The following TUBAL3 variants were observed in gnomAD, a reference collection of about 807,000 sequenced individuals.
TUBAL3 encodes the protein tubulin alpha like 3, also known as tubulin alpha chain-like 3.
Under a neutral mutation model 15.5 loss-of-function variants are expected in TUBAL3, and 16 were observed. The observed-to-expected ratio is 1.04, with a 90% confidence interval of 0.70 to 1.57. TUBAL3 has a LOEUF of 1.57. TUBAL3 is among the 40% of genes most tolerant of loss of function. TUBAL3 has a pLI of 0.00. For synonymous variants in TUBAL3, 238 were observed against 224.3 expected (o/e 1.06, Z -0.55); for missense variants, 609 against 576.2 (o/e 1.06, Z -0.58).
At chr10:5,399,118 T>A (rs1465691696) in intron 2 of TUBAL3, among the ~76,000 whole-genome samples, 2 of 152,226 alleles carry the variant, frequency 1.3e-5, no homozygotes, top group East Asian at 3.8e-4. Flanking sequence ...GCAAGTTCCT[T>A]GACTTCCCCA....
chr10:5,401,845 G>A (rs1405616146), intron 1 of TUBAL3, among the ~76,000 whole-genome samples: 2 of 151,992 alleles, frequency 1.3e-5, no homozygotes, highest in African/African-American at 2.4e-5. Context: ...GTAGGCTGAT[G>A]GCATTCACAA....
rs988254391 is a variant in TUBAL3, at chr10:5,394,184, C to A, written c.674G>T (p.Gly225Val). Residue 225 changes from glycine (G) to valine (V), a missense_variant, in exon 4 of 4, where the codon GGT (glycine) becomes GTT (valine). By Grantham distance (109) the Gly-to-Val change is moderately radical. Transcript: ENST00000380419. The surrounding 1 kb of genome is among the most constrained non-coding windows in gnomAD (Gnocchi z 4.3). ...GCTGGCATGAGAGGGGCATTCAACACCGAGTTTACGATGGCATATATCATA... is the reference window on the plus strand; with the variant it reads ...GCTGGCATGAGAGGGGCATTCAACAACGAGTTTACGATGGCATATATCATA... ...AVYDICHRKL[G>V]VECPSHASIN... is the part of the protein sequence containing the mutation. 3 of 1,614,202 alleles carry A rather than the reference C, an allele frequency of 1.9e-6. No homozygotes were observed. Among genetic ancestry groups the A allele is most frequent in the East Asian group, 2.2e-5 (1 of 44,880 alleles).
At position 5,393,409 on chromosome 10, in the gene TUBAL3, G is replaced by C; in HGVS notation, c.*108C>G. The C allele has an allele frequency of 2.1e-6, 2 of 945,610 alleles. No individual in the cohort carries two copies. Among genetic ancestry groups the C allele is most frequent in the South Asian group, 3.4e-5 (2 of 58,040 alleles). The allele number at this position is 945,610 out of a possible 1,614,324, so 58.6% of individuals were successfully genotyped here. ...TGGAACCTAGAGTCTTGCCTGATTTGAGTTCATTTTTCTGCTCATCAGGGG... is the reference window on the plus strand; with the variant it reads ...TGGAACCTAGAGTCTTGCCTGATTTCAGTTCATTTTTCTGCTCATCAGGGG... On this transcript the variant is annotated 3_prime_UTR_variant, in exon 4 of 4. Coordinates refer to ENST00000380419, the MANE Select transcript of TUBAL3 (RefSeq NM_024803.3).
At chr10:5,400,751 T>A in intron 2 of TUBAL3, 93 bp downstream of exon 2, 1 of 1,498,666 alleles carries the variant, frequency 6.7e-7, no homozygotes, top group South Asian at 1.2e-5. Context: ...GTGATTCCAT[T>A]CAGATAGACC....
intron 1 of TUBAL3, among the ~76,000 whole-genome samples, chr10:5,401,521 A>C (rs1443600783): frequency 6.6e-6 from 1 of 152,178 alleles, no homozygotes; most frequent in African/African-American, 2.4e-5. Context: ...GAAAGAAATA[A>C]AACTAAAATC....
In TUBAL3 at chr10:5,397,800, A is replaced by C. The variant is rs147071745; in HGVS notation, c.248-2325T>G. 3.2e-3 allele frequency among the ~76,000 whole-genome samples: 481 copies of C among 152,182 alleles called. 1 individual carries two copies. The highest frequency in any genetic ancestry group is 0.011 in the African/African-American group (460 of 41,514). On this transcript the variant is annotated intron_variant, in intron 2 of 3. Transcript: ENST00000380419. This position sits in a 1 kb window ranked among gnomAD's most constrained non-coding sequence, Gnocchi z 4.9. ...CCACTTCCAAAATCTTAAACATGCA[A>C]ATTCCTTTTTCTGACCACAACTTCC...
intron 1 of TUBAL3, among the ~76,000 whole-genome samples, chr10:5,403,260 T>C (rs1831882739): frequency 2.0e-5 from 3 of 152,222 alleles, no homozygotes; most frequent in Non-Finnish European, 4.4e-5. Context: ...ACCTTAATCT[T>C]ATTCCTCTCC....
intron 2 of TUBAL3, among the ~76,000 whole-genome samples, chr10:5,398,375 G>A (rs896808406): frequency 7.1e-6 from 1 of 141,484 alleles, no homozygotes; most frequent in Non-Finnish European, 1.5e-5. Flanking sequence ...AGCAGCGATA[G>A]TGCCATTGAA....
chr10:5,398,252 C>A (rs1831795089), intron 2 of TUBAL3, among the ~76,000 whole-genome samples: 1 of 151,960 alleles, frequency 6.6e-6, no homozygotes. Context: ...GAAACCCTGT[C>A]TCTACTAAAA....
chr10:5,400,527 A>G (rs1016222543), intron 2 of TUBAL3, among the ~76,000 whole-genome samples: 3 of 152,160 alleles, frequency 2.0e-5, no homozygotes, highest in Non-Finnish European at 4.4e-5. Flanking sequence ...AGCTACTCAG[A>G]GGCTGAGGCA....
intron 1 of TUBAL3, among the ~76,000 whole-genome samples, chr10:5,402,454 C>A (rs1236082743): frequency 6.6e-6 from 1 of 152,206 alleles, no homozygotes; most frequent in African/African-American, 2.4e-5. Context: ...CATCAGGACC[C>A]TTTGGGCTGT....
Position 5,395,448 on chromosome 10 carries a change from G to A in TUBAL3, c.275C>T (p.Ser92Leu), listed in dbSNP as rs371530868. The part of the protein sequence containing the change: ...IDGIRTGQHR[S>L]LFHPEQLLSG... ...AAGGAGCTGCTCGGGGTGGAAGAGT[G>A]AACGGTGCTGGCCCGTCCGGATCCC... Residue 92 changes from serine to leucine, a missense_variant, in exon 3 of 4, where the codon TCA becomes TTA. Physicochemically the swap from Ser to Leu is moderately radical, Grantham distance 145. Coordinates refer to ENST00000380419, the MANE Select transcript of TUBAL3 (RefSeq NM_024803.3). The surrounding 1 kb of genome is among the most constrained non-coding windows in gnomAD (Gnocchi z 4.6). 28 of 1,595,524 alleles carry A rather than the reference G, an allele frequency of 1.8e-5. No individual in the cohort carries two copies. The African/African-American group carries it at 3.6e-4, about 21-fold the overall frequency.
chr10:5,394,457 T>C lies in TUBAL3; in HGVS notation c.401A>G (p.Glu134Gly), dbSNP rs782512742. The change falls in exon 4 of 4, where the codon GAA becomes GGA. Residue 134 changes from glutamate (E) to glycine (G), a missense_variant. By Grantham distance (98) the Glu-to-Gly change is moderately conservative (BLOSUM62 -2). Coordinates refer to ENST00000380419, the MANE Select transcript of TUBAL3 (RefSeq NM_024803.3). This position sits in a 1 kb window ranked among gnomAD's most constrained non-coding sequence, Gnocchi z 4.3. ...AAATCCCTGAAGTCCACCACACTGT[T>C]CTGCCTGGAGAAAGTAAATGAGATG... ...LVLERTRKLA[E>G]QCGGLQGFLI... is the part of the protein sequence containing the mutation. The C allele has an allele frequency of 1.3e-6, 2 of 1,594,176 alleles. No homozygotes were observed. The highest frequency in any genetic ancestry group is 2.3e-5 in the South Asian group (2 of 87,498).
chr10:5,404,644 T>C, intron 1 of TUBAL3, 146 bp downstream of exon 1: 1 of 798,350 alleles, frequency 1.3e-6, no homozygotes, highest in South Asian at 1.7e-5. Context: ...CCAACTCATC[T>C]ACTTGGACAT....
At position 5,396,727 on chromosome 10, in the gene TUBAL3, TA is replaced by T. The variant is rs1417691154; in HGVS notation, c.248-1253del. On this transcript the variant is annotated intron_variant, in intron 2 of 3. Coordinates refer to ENST00000380419, the MANE Select transcript of TUBAL3 (RefSeq NM_024803.3). The surrounding 1 kb of genome is among the most constrained non-coding windows in gnomAD (Gnocchi z 5.1). ...GCCCCTGCCAGGTCTCATTGCCTTT[TA>T]AAAACCTGGGCAGCATGCCCTACTC... 1.3e-5 allele frequency among the ~76,000 whole-genome samples: 2 copies of T among 152,170 alleles called. No homozygotes were observed. The highest frequency in any genetic ancestry group is 2.9e-5 in the Non-Finnish European group (2 of 68,022).
rs1325204208 is a variant in TUBAL3, at chr10:5,397,416, T to C, written c.248-1941A>G. Among the ~76,000 whole-genome samples, 3 of 152,218 alleles carry C rather than the reference T, an allele frequency of 2.0e-5. No homozygotes were observed. Among genetic ancestry groups the C allele is most frequent in the Non-Finnish European group, 4.4e-5 (3 of 68,034 alleles). Reference sequence around the variant, plus strand: ...TAATTCTGGGTGGACTATTTCCTTCTTATCTGAAGCTATAAGGCTGCATTC... The same window carrying C: ...TAATTCTGGGTGGACTATTTCCTTCCTATCTGAAGCTATAAGGCTGCATTC... On this transcript the variant is annotated intron_variant, in intron 2 of 3. Coordinates refer to ENST00000380419, the MANE Select transcript of TUBAL3 (RefSeq NM_024803.3). The surrounding 1 kb of genome is among the most constrained non-coding windows in gnomAD (Gnocchi z 4.9).
At chr10:5,400,442 G>A (rs1440806321) in intron 2 of TUBAL3, among the ~76,000 whole-genome samples, 1 of 152,066 alleles carries the variant, frequency 6.6e-6, no homozygotes, top group Non-Finnish European at 1.5e-5. Context: ...GACCAGTCTG[G>A]CCAACATAGT....
intron 2 of TUBAL3, among the ~76,000 whole-genome samples, chr10:5,400,114 T>C (rs1009476640): frequency 9.2e-5 from 14 of 152,222 alleles, no homozygotes; most frequent in Admixed American, 9.2e-4. Context: ...ATCATAAAAT[T>C]GTACTGTTTT....
In TUBAL3 at chr10:5,394,737, A is replaced by C. The variant is rs1398284156; in HGVS notation, c.397-276T>G. On this transcript the variant is annotated intron_variant, in intron 3 of 3. Coordinates refer to ENST00000380419, the MANE Select transcript of TUBAL3 (RefSeq NM_024803.3). This position sits in a 1 kb window ranked among gnomAD's most constrained non-coding sequence, Gnocchi z 4.3. ...TGTGCATTTATCGGTATGTGATCGC[A>C]AACAAGGCCTTCATCAATAACAAAG... 1.3e-5 allele frequency among the ~76,000 whole-genome samples: 2 copies of C among 152,216 alleles called. No individual in the cohort carries two copies. Among genetic ancestry groups the C allele is most frequent in the Non-Finnish European group, 2.9e-5 (2 of 68,044 alleles).
Sources: gnomAD v4.1 joint callset for allele counts (sites outside exome capture counted in the v4.1 genomes callset) on GRCh38, gnomAD v4.1.1 for gene constraint, Gnocchi (gnomAD v3.1) non-coding constraint, MANE v1.5 for transcripts, NCBI Gene and HGNC (gene_info 2026-07-23, HGNC 2026-07-21) for gene names.